EIF4E3: variants seen among roughly 807,000 people sequenced by gnomAD.
The protein encoded by EIF4E3 is eukaryotic translation initiation factor 4E family member 3, also known as eukaryotic translation initiation factor 4E type 3.
EIF4E3 carries 26 observed loss-of-function variants against 31.7 expected under a neutral mutation model. The ratio of observed to expected loss-of-function variants is 0.82; its 90% CI spans 0.60 to 1.14. The LOEUF is 1.14. EIF4E3 is among the 50% of genes most tolerant of loss of function. The probability of loss-of-function intolerance (pLI) is 0.00; values close to 1 mark genes in which losing one functional copy is unlikely to be tolerated. For synonymous variants in EIF4E3, 128 were observed against 107.7 expected, an observed-to-expected ratio of 1.19 and a Z score of -1.17; for missense variants, 304 against 270.9, an observed-to-expected ratio of 1.12 and a Z score of -0.86.
chr3:71,696,646 T>C, intron 3 of EIF4E3, 126 bp from the exon 4 acceptor site: 1 of 1,057,048 alleles, frequency 9.5e-7, no homozygotes, highest in South Asian at 1.7e-5. Flanking sequence ...TAGTTGGGCA[T>C]TTTTCTTATT....
intron 2 of EIF4E3, among the ~76,000 whole-genome samples, chr3:71,709,670 T>C (rs1396355815): frequency 6.6e-6 from 1 of 152,164 alleles, no homozygotes; most frequent in Non-Finnish European, 1.5e-5. Flanking sequence ...TGTGAGCCAC[T>C]ACGCCTGGCC....
chr3:71,673,567 G>A (rs796255102), downstream of EIF4E3, among the ~76,000 whole-genome samples: 44 of 151,342 alleles, frequency 2.9e-4, no homozygotes, highest in African/African-American at 9.0e-4. Context: ...AAAAAACACC[G>A]CTTATGACAA....
the EIF4E3 span, among the ~76,000 whole-genome samples, chr3:71,659,364 C>A: frequency 3.9e-5 from 6 of 152,202 alleles, no homozygotes; most frequent in Non-Finnish European, 8.8e-5. Flanking sequence ...AGGCATGGAC[C>A]CAGTTGCTAC....
the EIF4E3 span, among the ~76,000 whole-genome samples, chr3:71,669,478 T>C: frequency 1.3e-5 from 2 of 152,220 alleles, no homozygotes; most frequent in Non-Finnish European, 2.9e-5. Flanking sequence ...CCCCAACAAT[T>C]GAATTTTTGA....
chr3:71,754,096 C>T (rs1467358525), upstream of EIF4E3: 6 of 1,362,944 alleles, frequency 4.4e-6, no homozygotes, highest in South Asian at 1.4e-5. The surrounding 1 kb of genome is among the most constrained non-coding windows in gnomAD (Gnocchi z 5.8). Flanking sequence ...GGCGAGGCGG[C>T]CGCCCTGGGC....
upstream of EIF4E3, among the ~76,000 whole-genome samples, chr3:71,729,587 G>A (rs2049680252): frequency 3.3e-5 from 5 of 152,264 alleles, no homozygotes; most frequent in South Asian, 8.3e-4. Flanking sequence ...TCTATCTCTC[G>A]AGTTATCGTT....
In EIF4E3 at chr3:71,681,210, C is replaced by T. The variant is rs945124871; in HGVS notation, c.*3472G>A. 1.3e-5 allele frequency: 2 copies of T among 152,146 alleles called. No homozygotes were observed. Among genetic ancestry groups the T allele is most frequent in the African/African-American group, 4.8e-5 (2 of 41,440 alleles). The allele number at this position is 152,146 out of a possible 1,614,324, so 9.4% of individuals were successfully genotyped here. On this transcript the variant is annotated 3_prime_UTR_variant, in exon 7 of 7. Transcript: ENST00000425534. ...GCCAAGTATCATTTTTACATTTTCTCGTCAAATTTTTATAAAAGCTTAAGA... is the reference window on the plus strand; with the variant it reads ...GCCAAGTATCATTTTTACATTTTCTTGTCAAATTTTTATAAAAGCTTAAGA...
At chr3:71,740,954 G>C (rs1439416176) in intron 1 of EIF4E3, among the ~76,000 whole-genome samples, 2 of 151,902 alleles carry the variant, frequency 1.3e-5, no homozygotes, top group African/African-American at 4.8e-5. Context: ...GGCTAACATG[G>C]TGAAACCCTG....
intron 2 of EIF4E3, among the ~76,000 whole-genome samples, chr3:71,709,025 A>T (rs6804792): frequency 0.33 from 50,267 of 151,844 alleles, 9,025 homozygotes; most frequent in African/African-American, 0.47. Context: ...TTACAATCAG[A>T]TTCCTGGGAC....
chr3:71,696,629 A>G (rs2108039118), intron 3 of EIF4E3, 109 bp from the exon 4 acceptor site: 2 of 1,261,198 alleles, frequency 1.6e-6, no homozygotes, highest in Non-Finnish European at 2.2e-6. Context: ...TGACCTTAAA[A>G]ACAAAATAGT....
At chr3:71,730,198 G>A (rs1292477967), upstream of EIF4E3, among the ~76,000 whole-genome samples, 1 of 152,272 alleles carries the variant, frequency 6.6e-6, no homozygotes, top group African/African-American at 2.4e-5. Flanking sequence ...CACGGGTCAG[G>A]GGAGGCTGCG....
intron 1 of EIF4E3, among the ~76,000 whole-genome samples, chr3:71,713,306 T>G (rs1375099941): frequency 6.6e-6 from 1 of 152,242 alleles, no homozygotes; most frequent in Non-Finnish European, 1.5e-5. Context: ...TGTGATTTCC[T>G]GCTCTTCATC....
At chr3:71,721,584 CGTAATA>C (rs1426427603) in intron 1 of EIF4E3, among the ~76,000 whole-genome samples, 1 of 152,040 alleles carries the variant, frequency 6.6e-6, no homozygotes, top group Non-Finnish European at 1.5e-5. Flanking sequence ...ATGCTGTTTT[CGTAATA>C]GTGAGTGAGT....
At chr3:71,693,747 T>C (rs965513722) in intron 5 of EIF4E3, 128 bp downstream of exon 5, 2 of 875,490 alleles carry the variant, frequency 2.3e-6, no homozygotes, top group Non-Finnish European at 3.2e-6. Flanking sequence ...TGAGTAACTT[T>C]GTAGTTCCAA....
chr3:71,733,601 T>C (rs767674202), intron 1 of EIF4E3, among the ~76,000 whole-genome samples: 4 of 152,168 alleles, frequency 2.6e-5, no homozygotes, highest in Non-Finnish European at 5.9e-5. Context: ...CCCTGTACCA[T>C]ATTTAACCCA....
In EIF4E3 at chr3:71,710,566, C is replaced by T. The variant is rs12487242; in HGVS notation, c.177-82G>A. 2.9e-6 allele frequency: 4 copies of T among 1,392,654 alleles called. No individual in the cohort carries two copies. In the African/African-American group the frequency reaches 4.3e-5, roughly 15 times the overall value. 86.3% of individuals were successfully genotyped at this position (1,392,654 alleles called of 1,614,324 possible). ...AAACAGCCCACAGTAGAATCTTTCACGTCTTCCTAAAAATCAGGTCTCAAA... is the reference window on the plus strand; with the variant it reads ...AAACAGCCCACAGTAGAATCTTTCATGTCTTCCTAAAAATCAGGTCTCAAA... On this transcript the variant is annotated intron_variant, in intron 1 of 6. Transcript: ENST00000425534.
intron 1 of EIF4E3, among the ~76,000 whole-genome samples, chr3:71,753,035 G>A (rs79588097): frequency 2.0e-5 from 3 of 152,274 alleles, no homozygotes; most frequent in Non-Finnish European, 2.9e-5. Context: ...CGGGATCACG[G>A]ATGAGTTAGC....
rs190835785 is a variant in EIF4E3, at chr3:71,676,234, T to C, written c.*8448A>G. ...CAACGTTCATAGTTAGAGAAGATTC[T>C]ATATGTAAAATGATGTTTATCACCT... is the stretch of plus-strand genomic sequence containing the variant. On this transcript the variant is annotated 3_prime_UTR_variant, in exon 7 of 7. Transcript: ENST00000425534. 6.6e-6 allele frequency: 1 copy of C among 152,352 alleles called. No individual in the cohort carries two copies. Among genetic ancestry groups the C allele is most frequent in the Non-Finnish European group, 1.5e-5 (1 of 68,038 alleles). 9.4% of individuals were successfully genotyped at this position (152,352 alleles called of 1,614,324 possible). A position where few individuals can be genotyped will look rare whatever the true frequency, so the allele number is the denominator to read the frequency against.
chr3:71,723,478 T>C (rs1318801745), intron 1 of EIF4E3, among the ~76,000 whole-genome samples: 1 of 152,214 alleles, frequency 6.6e-6, no homozygotes, highest in Non-Finnish European at 1.5e-5. Flanking sequence ...AAATCAATAG[T>C]ATAGATATAG....
Sources: allele counts gnomAD v4.1 joint callset (sites outside exome capture counted in the v4.1 genomes callset), GRCh38; gene constraint gnomAD v4.1.1; non-coding constraint Gnocchi (gnomAD v3.1); transcripts MANE v1.5; gene names NCBI Gene and HGNC (gene_info 2026-07-23, HGNC 2026-07-21).